Variants in ARHGAP29 observed in about 807,000 individuals in gnomAD.
ARHGAP29 encodes rho GTPase-activating protein 29.
In ARHGAP29, 43 loss-of-function variants were observed where a neutral mutation model predicts 122.6. That is an observed-to-expected ratio of 0.35 (90% CI 0.27 to 0.45). The LOEUF (loss-of-function observed/expected upper bound fraction) is 0.45, where lower values mean the gene tolerates loss of function less well. Ranked by LOEUF, ARHGAP29 falls within the 20% of genes least tolerant of loss-of-function variation. The pLI is 1.00. For missense variants in ARHGAP29, 1,303 were observed against 1,477.2 expected, an observed-to-expected ratio of 0.88 and a Z score of 1.93; for synonymous variants, 506 against 497.1, an observed-to-expected ratio of 1.02 and a Z score of -0.24.
intron 7 of ARHGAP29, 100 bp from the exon 8 acceptor site, chr1:94,204,094 C>A: frequency 2.5e-6 from 2 of 812,494 alleles, no homozygotes; most frequent in South Asian, 1.6e-5. Flanking sequence ...AAGAAGTGAT[C>A]ACAAATACTA....
chr1:94,292,507 G>T, the ARHGAP29 span, among the ~76,000 whole-genome samples: 3 of 152,326 alleles, frequency 2.0e-5, no homozygotes, highest in Non-Finnish European at 4.4e-5. Context: ...CTGGCAAGGA[G>T]TTGTGTTCCT....
intron 1 of ARHGAP29, among the ~76,000 whole-genome samples, chr1:94,270,654 G>A (rs1261206312): frequency 6.6e-6 from 1 of 152,140 alleles, no homozygotes; most frequent in Non-Finnish European, 1.5e-5. Flanking sequence ...TGCCATGCAG[G>A]GATCCCTACA....
Position 94,189,280 on chromosome 1 carries a change from T to C in ARHGAP29, c.1512A>G (p.Val504=). ...FGPANSLEDV[V]RLPDSSNKIE... ...TTTTATTAGAACTGTCAGGAAGGCG[T>C]ACAACATCCTCTAAAGAGTTGGCAG... is the stretch of plus-strand genomic sequence containing the variant. Residue 504 remains valine, a synonymous_variant, in exon 14 of 23, where the codon GTA becomes GTG. Transcript: ENST00000260526. The C allele has an allele frequency of 6.2e-7, 1 of 1,613,208 alleles. No homozygotes were observed.
At chr1:94,303,294 G>A in the ARHGAP29 span, among the ~76,000 whole-genome samples, 7,415 of 152,284 alleles carry the variant, frequency 0.049, 627 homozygotes, top group African/African-American at 0.17. Context: ...ATTATGCTAA[G>A]TGAAATATGC....
At chr1:94,282,831 A>G in the ARHGAP29 span, among the ~76,000 whole-genome samples, 1 of 152,172 alleles carries the variant, frequency 6.6e-6, no homozygotes, top group Non-Finnish European at 1.5e-5. Context: ...GCTGATTAAG[A>G]TGATTCCCTT....
intron 15 of ARHGAP29, among the ~76,000 whole-genome samples, chr1:94,187,175 T>G (rs1023928124): frequency 3.3e-5 from 5 of 152,208 alleles, no homozygotes; most frequent in South Asian, 2.1e-4. Context: ...CAAAGGACAC[T>G]GCCATATGTA....
chr1:94,221,549 T>G (rs1652291675), intron 2 of ARHGAP29, among the ~76,000 whole-genome samples: 1 of 96,996 alleles, frequency 1.0e-5, no homozygotes, highest in Non-Finnish European at 2.2e-5. Flanking sequence ...GTATATATTT[T>G]TATACATATG....
chr1:94,170,120 C>T lies in ARHGAP29; in HGVS notation c.*3749G>A, dbSNP rs1316815672. On this transcript the variant is annotated 3_prime_UTR_variant, in exon 23 of 23. Transcript: ENST00000260526. ...CGTGACAATTCGATGAGAAACAATACATTTACAATCTTTAAGAATCTCCTC... is the reference window on the plus strand; with the variant it reads ...CGTGACAATTCGATGAGAAACAATATATTTACAATCTTTAAGAATCTCCTC... 1.3e-5 allele frequency among the ~76,000 whole-genome samples: 2 copies of T among 152,314 alleles called. No homozygotes were observed. The highest frequency in any genetic ancestry group is 3.9e-4 in the East Asian group (2 of 5,170).
At chr1:94,201,674 G>T (rs1650860726) in intron 12 of ARHGAP29, 46 bp downstream of exon 12, 1 of 1,608,946 alleles carries the variant, frequency 6.2e-7, no homozygotes, top group Non-Finnish European at 8.5e-7. Context: ...TGCCTTGCCT[G>T]ATGGTCTTTT....
intron 12 of ARHGAP29, chr1:94,191,890 T>TAGTAAAATGGAGCTAAAAAC (rs1553205111): frequency 6.6e-6 from 1 of 152,172 alleles, no homozygotes; most frequent in Non-Finnish European, 1.5e-5. Context: ...AAAAACTTGA[T>TAGTAAAATGGAGCTAAAAAC]AGGATTTTTG....
At chr1:94,228,212 T>C (rs551646920) in intron 2 of ARHGAP29, among the ~76,000 whole-genome samples, 2 of 151,912 alleles carry the variant, frequency 1.3e-5, no homozygotes, top group South Asian at 4.1e-4. Flanking sequence ...TTTTTTCTAA[T>C]CAGTTCCTCA....
intron 1 of ARHGAP29, among the ~76,000 whole-genome samples, chr1:94,232,925 T>A (rs1653012764): frequency 2.0e-5 from 3 of 151,308 alleles, no homozygotes; most frequent in African/African-American, 7.3e-5. Flanking sequence ...CAGTAGAAAG[T>A]TTTTTGGTTT....
chr1:94,283,249 A>G, the ARHGAP29 span, among the ~76,000 whole-genome samples: 3 of 152,110 alleles, frequency 2.0e-5, no homozygotes. Flanking sequence ...ATTGCTTTCT[A>G]TCTTCTAAAC....
chr1:94,183,482 T>C (rs1649606656), intron 19 of ARHGAP29, among the ~76,000 whole-genome samples: 1 of 151,926 alleles, frequency 6.6e-6, no homozygotes, highest in African/African-American at 2.4e-5. Context: ...AAACTACAGG[T>C]TTAACAGTGA....
intron 16 of ARHGAP29, 39 bp downstream of exon 16, chr1:94,186,460 A>G: frequency 3.6e-6 from 5 of 1,398,028 alleles, no homozygotes; most frequent in Non-Finnish European, 5.1e-6. Flanking sequence ...CTACTGATTG[A>G]GCTGGTTTAG....
In ARHGAP29 at chr1:94,202,561, C is replaced by T; in HGVS notation, c.1126G>A (p.Glu376Lys). The change falls in exon 11 of 23, where the codon GAG becomes AAG. Residue 376 changes from glutamate to lysine, a missense_variant. By Grantham distance (56) the Glu-to-Lys change is moderately conservative. Transcript: ENST00000260526. The stretch of plus-strand genomic sequence containing the variant: ...ATCGTTACTTTTTGGAGAGCCTCCT[C>T]TTCCAACCTTCGCTTTTTTTCTAGT... ...KQLEKKRRLE[E>K]EALQKVEEAN... The T allele has an allele frequency of 7.4e-6, 12 of 1,614,140 alleles. No homozygotes were observed. Among genetic ancestry groups the T allele is most frequent in the Non-Finnish European group, 1.0e-5 (12 of 1,180,038 alleles).
At chr1:94,295,561 G>T in the ARHGAP29 span, among the ~76,000 whole-genome samples, 2 of 151,998 alleles carry the variant, frequency 1.3e-5, no homozygotes, top group Non-Finnish European at 2.9e-5. Context: ...GTGTAGGCTA[G>T]AAAAAACTAG....
At chr1:94,226,877 A>T (rs1412301618) in intron 2 of ARHGAP29, among the ~76,000 whole-genome samples, 1 of 152,016 alleles carries the variant, frequency 6.6e-6, no homozygotes, top group Non-Finnish European at 1.5e-5. Flanking sequence ...AGCAGTACAC[A>T]TCTGAGGCTA....
chr1:94,235,241 C>G (rs1653182362), intron 1 of ARHGAP29, among the ~76,000 whole-genome samples: 1 of 152,238 alleles, frequency 6.6e-6, no homozygotes, highest in African/African-American at 2.4e-5. Flanking sequence ...AAACTTAACC[C>G]AAGCTTTCAT....
Sources: allele counts gnomAD v4.1 joint callset (sites outside exome capture counted in the v4.1 genomes callset), GRCh38; gene constraint gnomAD v4.1.1; transcripts MANE v1.5; gene names NCBI Gene and HGNC (gene_info 2026-07-23, HGNC 2026-07-21).